The following KIAA0586 variants were observed in gnomAD, a reference collection of about 807,000 sequenced individuals.
The protein encoded by KIAA0586 is KIAA0586.
A neutral mutation model predicts 169.8 loss-of-function variants in KIAA0586; 144 were observed. The observed-to-expected ratio is 0.85, with a 90% CI of 0.74 to 0.97. The LOEUF is 0.97. Ranked by LOEUF, KIAA0586 falls within the 50% of genes least tolerant of loss-of-function variation. KIAA0586 has a pLI of 0.00. For missense variants in KIAA0586, 1,854 were observed against 1,823.0 expected, an observed-to-expected ratio of 1.02 and a Z score of -0.31; for synonymous variants, 625 against 612.4, an observed-to-expected ratio of 1.02 and a Z score of -0.30.
chr14:58,465,875 T>A lies in KIAA0586; in HGVS notation c.2100T>A (p.Tyr700Ter). 1 of 1,612,276 alleles carries A rather than the reference T, an allele frequency of 6.2e-7. No individual in the cohort carries two copies. The highest frequency in any genetic ancestry group is 8.5e-7 in the Non-Finnish European group (1 of 1,178,992). Residue 700 changes from tyrosine to a stop codon, truncating the protein, a stop_gained, in exon 15 of 31, where the codon TAT becomes TAA. Transcript: ENST00000652326. LOFTEE classifies it high-confidence loss of function. ...VKSIRTQTDF[Y>*]ATKPKKMDSK... Reference sequence around the variant, plus strand: ...CAATAAGAACACAGACTGACTTCTATGCAACAAAACCTAAGAAGATGGATT... The same window carrying A: ...CAATAAGAACACAGACTGACTTCTAAGCAACAAAACCTAAGAAGATGGATT...
At chr14:58,480,259 G>C (rs1050104611) in intron 20 of KIAA0586, among the ~76,000 whole-genome samples, 2 of 150,362 alleles carry the variant, frequency 1.3e-5, no homozygotes, top group Admixed American at 6.6e-5. Flanking sequence ...TATGGCTCAA[G>C]CATAGGCACT....
intron 26 of KIAA0586, among the ~76,000 whole-genome samples, chr14:58,493,093 C>T (rs1460740385): frequency 2.6e-5 from 4 of 152,016 alleles, no homozygotes; most frequent in African/African-American, 7.3e-5. Flanking sequence ...GGGGATCTGT[C>T]AGAACACCAC....
chr14:58,502,499 A>G (rs183090219), intron 27 of KIAA0586, among the ~76,000 whole-genome samples: 50 of 152,272 alleles, frequency 3.3e-4, no homozygotes, highest in African/African-American at 1.1e-3. Context: ...GTCATATTCC[A>G]TTGATAACAC....
chr14:58,440,649 T>A (rs896206988), intron 4 of KIAA0586, among the ~76,000 whole-genome samples: 40 of 152,212 alleles, frequency 2.6e-4, no homozygotes, highest in African/African-American at 9.4e-4. Context: ...GTGATATTTG[T>A]TAAGTAAATC....
chr14:58,557,863 T>TGTCTTAGAAAG, the KIAA0586 span, among the ~76,000 whole-genome samples: 4 of 150,128 alleles, frequency 2.7e-5, no homozygotes, highest in African/African-American at 9.8e-5. Flanking sequence ...TCTGTAATCA[T>TGTCTTAGAAAG]GTCTTAGAAA....
At chr14:58,511,937 A>T (rs75060667) in intron 28 of KIAA0586, among the ~76,000 whole-genome samples, 11 of 152,300 alleles carry the variant, frequency 7.2e-5, no homozygotes, top group Admixed American at 5.2e-4. Context: ...GTGATGTGTG[A>T]TTACGAAGAG....
chr14:58,527,537 T>TG (rs1482695816), intron 29 of KIAA0586, among the ~76,000 whole-genome samples: 5 of 152,214 alleles, frequency 3.3e-5, no homozygotes, highest in African/African-American at 9.6e-5. Flanking sequence ...CAGAAGAGAA[T>TG]GGGGGGCCAA....
chr14:58,535,745 G>T (rs1379659625), intron 29 of KIAA0586, among the ~76,000 whole-genome samples: 1 of 147,934 alleles, frequency 6.8e-6, no homozygotes, highest in African/African-American at 2.5e-5. Context: ...TAAAAATGTA[G>T]CTATCCTGAC....
chr14:58,515,252 G>A (rs911759874), intron 29 of KIAA0586, among the ~76,000 whole-genome samples: 3 of 151,474 alleles, frequency 2.0e-5, no homozygotes, highest in African/African-American at 7.3e-5. Context: ...CAGAAAATAA[G>A]TATCAAAGTG....
chr14:58,448,301 T>G, intron 6 of KIAA0586, 39 bp from the exon 7 acceptor site: 305 of 1,278,524 alleles, frequency 2.4e-4, no homozygotes, highest in Non-Finnish European at 3.0e-4. Flanking sequence ...CTCTTTCAAA[T>G]GATATTTGAA....
At chr14:58,468,024 T>C (rs2040906505) in intron 16 of KIAA0586, 102 bp downstream of exon 16, 2 of 697,582 alleles carry the variant, frequency 2.9e-6, no homozygotes, top group Middle Eastern at 2.7e-4. Context: ...AATATTGCTT[T>C]TGATCATGAC....
At chr14:58,500,713 C>A (rs146866675) in intron 27 of KIAA0586, among the ~76,000 whole-genome samples, 1 of 124,096 alleles carries the variant, frequency 8.1e-6, no homozygotes, top group Non-Finnish European at 1.7e-5. Context: ...AAGAGCGAGT[C>A]TCTGCCTCAA....
intron 9 of KIAA0586, among the ~76,000 whole-genome samples, 180 bp from the exon 10 acceptor site, chr14:58,456,511 GATTTTCTGTGT>G (rs903783266): frequency 6.6e-6 from 1 of 152,084 alleles, no homozygotes; most frequent in African/African-American, 2.4e-5. Context: ...TGTCTCTTGT[GATTTTCTGTGT>G]TTCATTTGTT....
intron 6 of KIAA0586, among the ~76,000 whole-genome samples, chr14:58,447,011 A>G (rs2038955710): frequency 6.6e-6 from 1 of 152,204 alleles, no homozygotes; most frequent in African/African-American, 2.4e-5. Context: ...GCCATCATCC[A>G]TCCTTCCATA....
intron 24 of KIAA0586, 146 bp downstream of exon 24, chr14:58,489,020 A>G: frequency 1.2e-6 from 1 of 824,286 alleles, no homozygotes; most frequent in Non-Finnish European, 1.9e-6. Flanking sequence ...CAATTTAGTT[A>G]ACTTTTCTGG....
chr14:58,537,132 C>A, intron 29 of KIAA0586: 1 of 1,117,492 alleles, frequency 8.9e-7, no homozygotes, highest in Non-Finnish European at 1.1e-6. Flanking sequence ...CAATACTCAC[C>A]CTTCCAGTAA....
chr14:58,521,464 T>C (rs1490022950), intron 29 of KIAA0586: 1 of 763,098 alleles, frequency 1.3e-6, no homozygotes, highest in Non-Finnish European at 2.4e-6. Context: ...GGACCATGAC[T>C]TTCAACGGGA....
At chr14:58,521,478 T>C in intron 29 of KIAA0586, 1 of 759,928 alleles carries the variant, frequency 1.3e-6, no homozygotes, top group East Asian at 3.0e-5. Flanking sequence ...AACGGGATTA[T>C]TATGATAGGA....
intron 6 of KIAA0586, among the ~76,000 whole-genome samples, chr14:58,447,434 A>G (rs955293711): frequency 7.0e-6 from 1 of 143,756 alleles, no homozygotes; most frequent in African/African-American, 2.6e-5. Flanking sequence ...ATACTTGCTC[A>G]TTTCAGATAT....
Sources: gnomAD v4.1 joint callset for allele counts (sites outside exome capture counted in the v4.1 genomes callset) on GRCh38, gnomAD v4.1.1 for gene constraint, MANE v1.5 for transcripts, NCBI Gene and HGNC (gene_info 2026-07-23, HGNC 2026-07-21) for gene names.